Variants in PHLDB3 observed in about 807,000 individuals in gnomAD.
PHLDB3 encodes the protein pleckstrin homology-like domain family B member 3.
Under a neutral mutation model 85.7 loss-of-function variants are expected in PHLDB3, and 86 were observed. The ratio of observed to expected loss-of-function variants is 1.00; its 90% CI spans 0.84 to 1.20. The LOEUF (loss-of-function observed/expected upper bound fraction) is 1.20, where lower values mean the gene tolerates loss of function less well. Ranked by LOEUF, PHLDB3 falls within the 50% of genes most tolerant of loss-of-function variation. The pLI, the probability that PHLDB3 is intolerant of heterozygous loss-of-function variation, is 0.00. For missense variants in PHLDB3, 995 were observed against 873.0 expected (o/e 1.14, Z -1.76); for synonymous variants, 376 against 349.8 (o/e 1.07, Z -0.83).
intron 5 of PHLDB3, 91 bp from the exon 6 acceptor site, chr19:43,497,370 G>A: frequency 2.7e-6 from 3 of 1,094,138 alleles, no homozygotes; most frequent in East Asian, 3.0e-5. Flanking sequence ...GTCAGAGGAA[G>A]AAGGTGACTG....
rs184964253 is a variant in PHLDB3, at chr19:43,478,221, G to A, written c.1703-89C>T. 4.9e-5 allele frequency: 47 copies of A among 963,900 alleles called. No individual in the cohort carries two copies. In the East Asian group the frequency reaches 1.1e-3, roughly 22 times the overall value. 59.7% of individuals were successfully genotyped at this position (963,900 alleles called of 1,614,324 possible). ...GAGGGTCATTGGCCCTAAGTCCTGA[G>A]ACTGGATTTGGGTAAGAAACATGGT... On this transcript the variant is annotated intron_variant, in intron 14 of 15. Transcript: ENST00000292140.
chr19:43,485,181 G>C (rs1170008003), intron 13 of PHLDB3, among the ~76,000 whole-genome samples: 1 of 151,720 alleles, frequency 6.6e-6, no homozygotes, highest in Admixed American at 6.6e-5. Flanking sequence ...CTTCTCTCAT[G>C]CATATGCTTG....
In PHLDB3 at chr19:43,495,324, G is replaced by GCAGC. The variant is rs1429761188; in HGVS notation, c.963_966dup (p.Leu323AlafsTer17). On this transcript the variant is annotated frameshift_variant, in exon 8 of 16. Transcript: ENST00000292140. LOFTEE classifies it high-confidence loss of function. ...GTTCCCTGAAGGCAATTGAGCTCGA[G>GCAGC]CAGCCGGCTCCGTTCCTACCAGAAG... 2.5e-6 allele frequency: 4 copies of GCAGC among 1,613,486 alleles called. No homozygotes were observed. The highest frequency in any genetic ancestry group is 1.3e-5 in the African/African-American group (1 of 74,944).
At chr19:43,477,807 T>TAA (rs372039420) in intron 15 of PHLDB3, among the ~76,000 whole-genome samples, 4 of 140,222 alleles carry the variant, frequency 2.9e-5, no homozygotes, top group African/African-American at 5.2e-5. Context: ...GACTCTGTCT[T>TAA]AAAAAAAAAA....
chr19:43,488,688 A>G (rs1971241668), intron 9 of PHLDB3, among the ~76,000 whole-genome samples: 1 of 152,180 alleles, frequency 6.6e-6, no homozygotes, highest in African/African-American at 2.4e-5. Flanking sequence ...AAGTGATCTG[A>G]GTTCAAGGTG....
Position 43,503,952 on chromosome 19 carries a change from TC to T in PHLDB3, c.166del (p.Glu56LysfsTer23). The T allele has an allele frequency of 6.2e-7, 1 of 1,613,902 alleles. No homozygotes were observed. The highest frequency in any genetic ancestry group is 8.5e-7 in the Non-Finnish European group (1 of 1,179,810). ...SRGGAEQQAE[E>X]EEVGEGSSTE... Reference sequence around the variant, plus strand: ...GCTGCTGCCTTCTCCCACTTCTTCTTCCTCTGCCTGCTGCTCAGCTCCCCCG... The same window carrying T: ...GCTGCTGCCTTCTCCCACTTCTTCTTCTCTGCCTGCTGCTCAGCTCCCCCG... On this transcript the variant is annotated frameshift_variant, in exon 2 of 16. Transcript: ENST00000292140. LOFTEE classifies it high-confidence loss of function.
At position 43,475,269 on chromosome 19, in the gene PHLDB3, AC is replaced by A; in HGVS notation, c.*140del. The A allele has an allele frequency of 8.3e-7, 1 of 1,211,894 alleles. No homozygotes were observed. Among genetic ancestry groups the A allele is most frequent in the Non-Finnish European group, 1.1e-6 (1 of 887,278 alleles). The allele number at this position is 1,211,894 out of a possible 1,614,324, so 75.1% of individuals were successfully genotyped here. A position where few individuals can be genotyped will look rare whatever the true frequency, so the allele number is the denominator to read the frequency against. On this transcript the variant is annotated 3_prime_UTR_variant, in exon 16 of 16. Coordinates refer to ENST00000292140, the MANE Select transcript of PHLDB3 (RefSeq NM_198850.4). ...GAACGCAGCAGCTCAGGCCAGCTGAACTGCCGCGCCTGCGGAATTCCCGGGA... is the reference window on the plus strand; with the variant it reads ...GAACGCAGCAGCTCAGGCCAGCTGAATGCCGCGCCTGCGGAATTCCCGGGA...
Position 43,504,077 on chromosome 19 carries a change from C to A in PHLDB3, c.42G>T (p.Pro14=). 1 of 1,612,120 alleles carries A rather than the reference C, an allele frequency of 6.2e-7. No homozygotes were observed. Among genetic ancestry groups the A allele is most frequent in the Non-Finnish European group, 8.5e-7 (1 of 1,179,186 alleles). ...RSSPEEGTPP[P]LVPECDVEVQ... is the part of the protein sequence containing the mutation. Reference sequence around the variant, plus strand: ...CCTCCACGTCGCATTCCGGGACCAGCGGCGGCGGGGTCCCCTCCTCGGGGC... The same window carrying A: ...CCTCCACGTCGCATTCCGGGACCAGAGGCGGCGGGGTCCCCTCCTCGGGGC... Residue 14 remains proline (P), a synonymous_variant, in exon 2 of 16, where the codon CCG becomes CCT. Transcript: ENST00000292140.
intron 9 of PHLDB3, among the ~76,000 whole-genome samples, chr19:43,492,338 C>G (rs560906770): frequency 6.6e-6 from 1 of 152,078 alleles, no homozygotes; most frequent in South Asian, 2.1e-4. Context: ...CCACCCACCT[C>G]GGCCTCTCAA....
intron 4 of PHLDB3, among the ~76,000 whole-genome samples, chr19:43,498,094 G>A (rs1657261422): frequency 6.6e-6 from 1 of 152,110 alleles, no homozygotes; most frequent in Non-Finnish European, 1.5e-5. Flanking sequence ...TCCTAGCACT[G>A]TGGGAGGCCA....
intron 2 of PHLDB3, among the ~76,000 whole-genome samples, chr19:43,503,251 T>C (rs1398228363): frequency 2.0e-5 from 3 of 151,938 alleles, no homozygotes; most frequent in Non-Finnish European, 4.4e-5. Flanking sequence ...GTTCTCTCTG[T>C]TCTGTAGTCT....
intron 9 of PHLDB3, among the ~76,000 whole-genome samples, chr19:43,489,369 GTTTTTTTTT>G (rs57304377): frequency 2.8e-5 from 4 of 140,366 alleles, no homozygotes; most frequent in Non-Finnish European, 4.6e-5. Context: ...ATCTCTTAAA[GTTTTTTTTT>G]TTTTTTTTTT....
chr19:43,502,798 T>C (rs1001111332), intron 2 of PHLDB3, among the ~76,000 whole-genome samples: 1 of 151,946 alleles, frequency 6.6e-6, no homozygotes, highest in African/African-American at 2.4e-5. Context: ...AGGGTGCAAG[T>C]CCCGTGACCA....
chr19:43,500,227 G>A (rs184724564), intron 4 of PHLDB3, among the ~76,000 whole-genome samples: 38 of 152,130 alleles, frequency 2.5e-4, no homozygotes, highest in Admixed American at 1.5e-3. Flanking sequence ...CAACAAGAGC[G>A]AAACTGTGTC....
rs1035541004 is a variant in PHLDB3, at chr19:43,495,522, C to G, written c.924G>C (p.Lys308Asn). 6.2e-7 allele frequency: 1 copy of G among 1,606,410 alleles called. No homozygotes were observed. The highest frequency in any genetic ancestry group is 1.1e-5 in the South Asian group (1 of 89,662). Residue 308 changes from lysine (K) to asparagine (N), a missense_variant, in exon 7 of 16, where the codon AAG (lysine) becomes AAC (asparagine). Coordinates refer to ENST00000292140, the MANE Select transcript of PHLDB3 (RefSeq NM_198850.4). ...GTGACAGGGCCTGAAGGGCCTCCTC[C>G]TTCTTCCGGCTCAACCCCCGGCTCT... is the stretch of plus-strand genomic sequence containing the variant. ...AAESRGLSRKKEEALQALSQE... is the reference protein window; with the variant it reads ...AAESRGLSRKNEEALQALSQE...
intron 13 of PHLDB3, among the ~76,000 whole-genome samples, chr19:43,484,088 C>G (rs1251788259): frequency 6.6e-6 from 1 of 151,884 alleles, no homozygotes; most frequent in African/African-American, 2.4e-5. Context: ...CCCGTCTCTA[C>G]TATAAATACA....
At chr19:43,504,252 G>C (rs1971699510) in intron 1 of PHLDB3, 120 bp from the exon 2 acceptor site, 1 of 908,302 alleles carries the variant, frequency 1.1e-6, no homozygotes, top group Admixed American at 2.9e-5. Flanking sequence ...AGAGTTCAAA[G>C]GATGGAACTG....
At position 43,502,202 on chromosome 19, in the gene PHLDB3, G is replaced by A. The variant is rs1213836944; in HGVS notation, c.295C>T (p.Arg99Trp). ...SSREGVRGAARRLQGQQLEAL... is the reference protein window; with the variant it reads ...SSREGVRGAAWRLQGQQLEAL... ...TCCAGCTGCTGTCCTTGCAGGCGCC[G>A]CGCCGCCCCTCGCACCCCTTCCCGC... is the stretch of plus-strand genomic sequence containing the variant. Residue 99 changes from arginine (R) to tryptophan (W), a missense_variant, in exon 3 of 16, where the codon CGG becomes TGG. Arg to Trp is a moderately radical substitution (Grantham distance 101, BLOSUM62 -3). Coordinates refer to ENST00000292140, the MANE Select transcript of PHLDB3 (RefSeq NM_198850.4). 4 of 1,569,408 alleles carry A rather than the reference G, an allele frequency of 2.5e-6. No individual in the cohort carries two copies. The highest frequency in any genetic ancestry group is 2.4e-5 in the East Asian group (1 of 42,190).
At chr19:43,500,949 A>C (rs1213383675) in intron 4 of PHLDB3, among the ~76,000 whole-genome samples, 1 of 113,022 alleles carries the variant, frequency 8.8e-6, no homozygotes, top group Non-Finnish European at 1.7e-5. Flanking sequence ...TACAGGTGTG[A>C]GCCACTTGGC....
Sources: gnomAD v4.1 joint callset for allele counts (sites outside exome capture counted in the v4.1 genomes callset) on GRCh38, gnomAD v4.1.1 for gene constraint, MANE v1.5 for transcripts, NCBI Gene and HGNC (gene_info 2026-07-23, HGNC 2026-07-21) for gene names.